TANC2: variants seen among roughly 807,000 people sequenced by gnomAD.
The protein encoded by TANC2 is protein TANC2.
TANC2 carries 26 observed loss-of-function variants against 210.5 expected under a neutral mutation model. That is an observed-to-expected ratio of 0.12 (90% confidence interval 0.09 to 0.17). The LOEUF is 0.17. TANC2 is among the 10% of genes least tolerant of loss of function. The pLI is 1.00. For missense variants in TANC2, 2,129 were observed against 2,608.9 expected, an observed-to-expected ratio of 0.82 and a Z score of 4.01; for synonymous variants, 931 against 967.1, an observed-to-expected ratio of 0.96 and a Z score of 0.69.
At chr17:63,288,936 C>G (rs2044303673) in intron 9 of TANC2, among the ~76,000 whole-genome samples, 1 of 152,146 alleles carries the variant, frequency 6.6e-6, no homozygotes, top group Non-Finnish European at 1.5e-5. Flanking sequence ...TTCTCCTTTA[C>G]TTCTGAAGGA....
intron 1 of TANC2, among the ~76,000 whole-genome samples, chr17:62,973,329 GC>G (rs1216669922): frequency 1.3e-5 from 2 of 152,118 alleles, no homozygotes; most frequent in African/African-American, 4.8e-5. Flanking sequence ...ACCATACCCG[GC>G]CGTAACATAT....
chr17:63,305,503 G>T (rs1360329177), intron 9 of TANC2: 1 of 152,272 alleles, frequency 6.6e-6, no homozygotes, highest in Non-Finnish European at 1.5e-5. Flanking sequence ...TCTGCTTCTA[G>T]TCAGCCATCT....
intron 4 of TANC2, among the ~76,000 whole-genome samples, chr17:63,139,994 T>C (rs1427401579): frequency 6.6e-6 from 1 of 152,230 alleles, no homozygotes. Flanking sequence ...CCCACCTGAT[T>C]ATAACTACTT....
chr17:62,995,958 T>C (rs1184556668), intron 1 of TANC2, among the ~76,000 whole-genome samples: 1 of 152,212 alleles, frequency 6.6e-6, no homozygotes, highest in African/African-American at 2.4e-5. Flanking sequence ...TCCTAGAATA[T>C]ATCTGAGGCA....
chr17:63,415,487 G>A (rs2048830609), intron 25 of TANC2, 41 bp from the exon 26 acceptor site: 1 of 1,607,522 alleles, frequency 6.2e-7, no homozygotes, highest in Non-Finnish European at 8.5e-7. Context: ...CAGCTGTTCA[G>A]CAGACCAACT....
chr17:63,177,418 G>A (rs1411220275), intron 5 of TANC2, among the ~76,000 whole-genome samples: 5 of 151,776 alleles, frequency 3.3e-5, no homozygotes. Context: ...CTAGATGGTA[G>A]TGAGTGAGTA....
At chr17:63,151,421 A>T (rs2039649826) in intron 5 of TANC2, 41 bp downstream of exon 5, 1 of 937,210 alleles carries the variant, frequency 1.1e-6, no homozygotes, top group Admixed American at 6.2e-5. Flanking sequence ...AAGAGGGAGG[A>T]TTGGATCAGG....
chr17:63,211,882 T>C (rs1209508389), intron 7 of TANC2, among the ~76,000 whole-genome samples: 1 of 152,176 alleles, frequency 6.6e-6, no homozygotes, highest in Non-Finnish European at 1.5e-5. Context: ...GTAGTTGTTT[T>C]GTTTTCTTTT....
intron 5 of TANC2, among the ~76,000 whole-genome samples, chr17:63,177,264 CAAAA>C (rs755034454): frequency 1.4e-5 from 1 of 73,268 alleles, no homozygotes; most frequent in Non-Finnish European, 2.7e-5. Flanking sequence ...GACTCTGTCT[CAAAA>C]AAAAAAAAAA....
intron 21 of TANC2, among the ~76,000 whole-genome samples, chr17:63,406,722 T>C (rs2048519625): frequency 6.6e-6 from 1 of 152,210 alleles, no homozygotes; most frequent in Non-Finnish European, 1.5e-5. Flanking sequence ...CCTGTAGTAA[T>C]AAATTCCTTT....
chr17:63,228,478 T>TA (rs1410809073), intron 7 of TANC2, among the ~76,000 whole-genome samples: 5 of 152,212 alleles, frequency 3.3e-5, no homozygotes, highest in African/African-American at 1.2e-4. Flanking sequence ...ATGTCAGTGA[T>TA]AGTTTAATGG....
At chr17:63,032,506 G>A (rs952589188) in intron 2 of TANC2, among the ~76,000 whole-genome samples, 1 of 152,106 alleles carries the variant, frequency 6.6e-6, no homozygotes, top group Non-Finnish European at 1.5e-5. Flanking sequence ...TATTGCAGCA[G>A]CATCCAGGCA....
At chr17:63,171,081 C>CTTTTTTT (rs578140711) in intron 5 of TANC2, among the ~76,000 whole-genome samples, 2 of 98,080 alleles carry the variant, frequency 2.0e-5, no homozygotes, top group Non-Finnish European at 3.8e-5. Flanking sequence ...GTATTTCTTT[C>CTTTTTTT]TTTTTTTTTT....
chr17:63,404,341 G>A (rs797003033), intron 19 of TANC2, among the ~76,000 whole-genome samples: 8 of 152,270 alleles, frequency 5.3e-5, no homozygotes, highest in South Asian at 2.1e-4. Flanking sequence ...ATAGGCGTTC[G>A]TAAAATCTCC....
At chr17:63,209,137 G>A (rs942807399) in intron 7 of TANC2, among the ~76,000 whole-genome samples, 1 of 151,640 alleles carries the variant, frequency 6.6e-6, no homozygotes, top group African/African-American at 2.4e-5. Context: ...AGTCTCCCAA[G>A]CATCTGGGAC....
intron 14 of TANC2, among the ~76,000 whole-genome samples, chr17:63,358,379 A>ATGTGTGTGTGTG (rs375498280): frequency 0.014 from 1,998 of 139,570 alleles, 26 homozygotes; most frequent in African/African-American, 0.027. Flanking sequence ...GAGAGAGAGT[A>ATGTGTGTGTGTG]TGTGTGTGTG....
intron 7 of TANC2, among the ~76,000 whole-genome samples, chr17:63,222,174 T>C (rs1014794410): frequency 6.6e-6 from 1 of 152,182 alleles, no homozygotes; most frequent in African/African-American, 2.4e-5. Context: ...AGGAAGCTTT[T>C]TTGGTACACT....
At chr17:63,388,790 G>A in intron 16 of TANC2, 33 bp downstream of exon 16, 1 of 1,442,980 alleles carries the variant, frequency 6.9e-7, no homozygotes, top group Non-Finnish European at 9.2e-7. Context: ...AATATGATAA[G>A]GAATTAACTA....
At chr17:63,255,915 T>C (rs1359586266) in intron 8 of TANC2, among the ~76,000 whole-genome samples, 1 of 145,546 alleles carries the variant, frequency 6.9e-6, no homozygotes, top group Non-Finnish European at 1.5e-5. Flanking sequence ...TTTTTTTTTT[T>C]TTTTTTTTTT....
Sources: gnomAD v4.1 joint callset for allele counts (sites outside exome capture counted in the v4.1 genomes callset) on GRCh38, gnomAD v4.1.1 for gene constraint, MANE v1.5 for transcripts, NCBI Gene and HGNC (gene_info 2026-07-23, HGNC 2026-07-21) for gene names.